The following MAGI2 variants were observed in gnomAD, a reference collection of about 807,000 sequenced individuals.
MAGI2 encodes the protein membrane-associated guanylate kinase, WW and PDZ domain-containing protein 2.
Under a neutral mutation model 133.3 loss-of-function variants are expected in MAGI2, and 35 were observed. The observed-to-expected ratio is 0.26, with a 90% CI of 0.20 to 0.35. The LOEUF (loss-of-function observed/expected upper bound fraction) is 0.35, where lower values mean the gene tolerates loss of function less well. Among genes scored for constraint, MAGI2 ranks in the 10% least tolerant of loss-of-function variants. MAGI2 has a pLI of 1.00. For missense variants in MAGI2, 1,636 were observed against 1,863.4 expected, an observed-to-expected ratio of 0.88 and a Z score of 2.25; for synonymous variants, 729 against 710.6, an observed-to-expected ratio of 1.03 and a Z score of -0.41.
intron 6 of MAGI2, among the ~76,000 whole-genome samples, chr7:78,388,297 G>GTCA (rs59287109): frequency 0.38 from 41,770 of 108,844 alleles, 6,947 homozygotes; most frequent in East Asian, 0.66. Flanking sequence ...CATCATCATC[G>GTCA]TCATCATCAT....
chr7:79,303,061 G>C lies in MAGI2; in HGVS notation c.301+149959C>G, dbSNP rs1257263657. Among the ~76,000 whole-genome samples, 7 of 152,222 alleles carry C rather than the reference G, an allele frequency of 4.6e-5. No homozygotes were observed. In the East Asian group the frequency reaches 7.7e-4, roughly 17 times the overall value. ...TTAAATCCCAAACTTAGCAAAGTTT[G>C]ATAGAGTCTCACAGATAAATAATTT... On this transcript the variant is annotated intron_variant, in intron 1 of 21. Coordinates refer to ENST00000354212, the MANE Select transcript of MAGI2 (RefSeq NM_012301.4).
chr7:78,845,362 G>C (rs1792500606), intron 2 of MAGI2, among the ~76,000 whole-genome samples: 1 of 151,848 alleles, frequency 6.6e-6, no homozygotes, highest in Admixed American at 6.6e-5. Context: ...CCATTTTAGT[G>C]AAAGAATCAA....
chr7:78,748,748 T>A (rs944279), intron 2 of MAGI2, among the ~76,000 whole-genome samples: 56,446 of 151,954 alleles, frequency 0.37, 10,614 homozygotes, highest in South Asian at 0.5. Context: ...AATGAAAGAT[T>A]TCAAATACAT....
chr7:78,881,430 G>T (rs1795827578), intron 2 of MAGI2, among the ~76,000 whole-genome samples: 1 of 148,016 alleles, frequency 6.8e-6, no homozygotes, highest in Non-Finnish European at 1.5e-5. Flanking sequence ...GCCTGTCGTG[G>T]GATGGGGGGA....
intron 2 of MAGI2, among the ~76,000 whole-genome samples, chr7:78,930,169 T>A (rs1800004275): frequency 6.6e-6 from 1 of 152,052 alleles, no homozygotes; most frequent in Non-Finnish European, 1.5e-5. Flanking sequence ...CAAGCATCAG[T>A]CTCCAAAAAT....
intron 2 of MAGI2, among the ~76,000 whole-genome samples, chr7:78,789,350 C>T (rs1432318281): frequency 6.6e-6 from 1 of 152,142 alleles, no homozygotes; most frequent in Non-Finnish European, 1.5e-5. Flanking sequence ...CCATTAAATT[C>T]AACTTCAATT....
chr7:79,351,022 C>G (rs1841651558), intron 1 of MAGI2, among the ~76,000 whole-genome samples: 1 of 152,064 alleles, frequency 6.6e-6, no homozygotes. Context: ...TATTATAGAG[C>G]AGTCCTACAT....
chr7:78,145,163 T>C (rs1823173302), intron 16 of MAGI2, among the ~76,000 whole-genome samples: 3 of 152,176 alleles, frequency 2.0e-5, no homozygotes, highest in Admixed American at 2.0e-4. Flanking sequence ...ATGAAACTCC[T>C]AGACTGAAAA....
In MAGI2 at chr7:78,413,390, C is replaced by T. The variant is rs377059415; in HGVS notation, c.1046-44177G>A. On this transcript the variant is annotated intron_variant, in intron 6 of 21. Transcript: ENST00000354212. The stretch of plus-strand genomic sequence containing the variant: ...CAAGTATACAGATTTGCATTTAGAA[C>T]ATGATGAGAAATGGCAATTAAATTA... Among the ~76,000 whole-genome samples the T allele has an allele frequency of 5.3e-5, 8 of 152,086 alleles. No homozygotes were observed. The East Asian group carries it at 1.2e-3, about 22-fold the overall frequency.
intron 2 of MAGI2, among the ~76,000 whole-genome samples, chr7:78,672,162 G>A (rs1480004756): frequency 2.0e-5 from 3 of 152,072 alleles, no homozygotes; most frequent in Non-Finnish European, 4.4e-5. Flanking sequence ...AATGTTCAGG[G>A]TGGGGCCTAG....
At chr7:78,125,952 A>T (rs767625530) in intron 19 of MAGI2, 115 bp from the exon 20 acceptor site, 1 of 1,086,508 alleles carries the variant, frequency 9.2e-7, no homozygotes, top group Non-Finnish European at 1.3e-6. Context: ...AAATGACATG[A>T]TGTTGGGAGA....
At chr7:79,039,873 T>TC (rs1811490993) in intron 1 of MAGI2, among the ~76,000 whole-genome samples, 1 of 143,792 alleles carries the variant, frequency 7.0e-6, no homozygotes, top group African/African-American at 2.6e-5. Flanking sequence ...ATATAATATA[T>TC]ATGTATATAT....
chr7:79,449,717 T>C, intron 1 of MAGI2, among the ~76,000 whole-genome samples: 1 of 151,846 alleles, frequency 6.6e-6, no homozygotes, highest in East Asian at 1.9e-4. Flanking sequence ...AAAAAAGAAT[T>C]GGATGTGACA....
intron 1 of MAGI2, among the ~76,000 whole-genome samples, chr7:79,165,220 T>C (rs1439216895): frequency 1.3e-5 from 2 of 151,622 alleles, no homozygotes; most frequent in African/African-American, 2.4e-5. Context: ...GCTTAACTGA[T>C]GGACATATTT....
intron 9 of MAGI2, among the ~76,000 whole-genome samples, chr7:78,308,048 CA>C (rs1584811840): frequency 6.6e-6 from 1 of 152,162 alleles, no homozygotes; most frequent in South Asian, 2.1e-4. Flanking sequence ...TTTGCTGAAT[CA>C]AAGAGAACCA....
intron 2 of MAGI2, among the ~76,000 whole-genome samples, chr7:78,727,639 T>G (rs539291638): frequency 6.6e-6 from 1 of 152,348 alleles, no homozygotes; most frequent in Admixed American, 6.5e-5. Flanking sequence ...AAGGATATTG[T>G]GAGGTTTTCA....
chr7:79,298,571 A>AT (rs1456140752), intron 1 of MAGI2, among the ~76,000 whole-genome samples: 1 of 152,138 alleles, frequency 6.6e-6, no homozygotes, highest in East Asian at 1.9e-4. Flanking sequence ...TCATTAACAA[A>AT]TATTTATTGT....
intron 1 of MAGI2, chr7:79,343,442 A>T (rs570707477): frequency 2.0e-4 from 30 of 152,226 alleles, no homozygotes; most frequent in African/African-American, 6.5e-4. Flanking sequence ...TTTCACAGAC[A>T]CTTTTAGATT....
intron 2 of MAGI2, among the ~76,000 whole-genome samples, chr7:78,774,214 AG>A (rs1371763434): frequency 6.6e-6 from 1 of 152,200 alleles, no homozygotes; most frequent in Non-Finnish European, 1.5e-5. Flanking sequence ...TAATCTTCTA[AG>A]GTGGTTCCAA....
Sources: allele counts gnomAD v4.1 joint callset (sites outside exome capture counted in the v4.1 genomes callset), GRCh38; gene constraint gnomAD v4.1.1; transcripts MANE v1.5; gene names NCBI Gene and HGNC (gene_info 2026-07-23, HGNC 2026-07-21).